The following ITGB8 variants were observed in gnomAD, a reference collection of about 807,000 sequenced individuals.
ITGB8 encodes the protein integrin beta-8.
ITGB8 carries 30 observed loss-of-function variants against 89.5 expected under a neutral mutation model. That is an observed-to-expected ratio of 0.34 (90% CI 0.25 to 0.45). The LOEUF (loss-of-function observed/expected upper bound fraction) is 0.45, where lower values mean the gene tolerates loss of function less well. Among genes scored for constraint, ITGB8 ranks in the 20% least tolerant of loss-of-function variants. The probability of loss-of-function intolerance (pLI) is 1.00; values close to 1 mark genes in which losing one functional copy is unlikely to be tolerated. For synonymous variants in ITGB8, 335 were observed against 320.4 expected (o/e 1.05, Z -0.49); for missense variants, 836 against 933.3 (o/e 0.90, Z 1.36).
intron 2 of ITGB8, chr7:20,366,045 A>T (rs971538302): frequency 1.6e-4 from 25 of 152,304 alleles, no homozygotes; most frequent in African/African-American, 5.5e-4. Context: ...GTAGCATGTT[A>T]ATCTGCCATT....
At position 20,411,809 on chromosome 7, in the gene ITGB8, A is replaced by G. The variant is rs1787771689; in HGVS notation, c.*1812A>G. The G allele has an allele frequency of 1.3e-5, 2 of 152,222 alleles. No homozygotes were observed. The highest frequency in any genetic ancestry group is 2.9e-5 in the Non-Finnish European group (2 of 68,038). 9.4% of individuals were successfully genotyped at this position (152,222 alleles called of 1,614,324 possible). A position where few individuals can be genotyped will look rare whatever the true frequency, so the allele number is the denominator to read the frequency against. ...ACCTACAGGGGAATTCCTTCGCACC[A>G]TAGCCTGTATGAACAGTGTTCCCTG... On this transcript the variant is annotated 3_prime_UTR_variant, in exon 14 of 14. Transcript: ENST00000222573.
At chr7:20,380,567 G>A in intron 4 of ITGB8, 99 bp from the exon 5 acceptor site, 8 of 941,252 alleles carry the variant, frequency 8.5e-6, no homozygotes, top group South Asian at 4.5e-5. Flanking sequence ...CACAAAAGAA[G>A]TACTCCCTTT....
chr7:20,405,982 C>A, intron 11 of ITGB8, 80 bp from the exon 12 acceptor site: 1 of 828,198 alleles, frequency 1.2e-6, no homozygotes, highest in South Asian at 1.5e-5. Flanking sequence ...GTTATTTTGT[C>A]TTTTTTTTTC....
At chr7:20,369,470 T>G (rs1785842126) in intron 3 of ITGB8, among the ~76,000 whole-genome samples, 1 of 151,816 alleles carries the variant, frequency 6.6e-6, no homozygotes, top group African/African-American at 2.4e-5. Context: ...AGTGAGAGAG[T>G]GAAAGCTCTC....
chr7:20,378,404 A>G (rs1239664733), intron 3 of ITGB8, among the ~76,000 whole-genome samples: 1 of 152,188 alleles, frequency 6.6e-6, no homozygotes, highest in Non-Finnish European at 1.5e-5. Context: ...GTGGCACTGC[A>G]GGGCACCATT....
chr7:20,349,410 T>C (rs186261225), intron 1 of ITGB8, among the ~76,000 whole-genome samples: 117 of 151,974 alleles, frequency 7.7e-4, no homozygotes, highest in African/African-American at 2.5e-3. Flanking sequence ...ACCAACCTAA[T>C]AGTACTAATT....
chr7:20,345,182 G>C (rs1325091831), intron 1 of ITGB8, among the ~76,000 whole-genome samples: 2 of 152,220 alleles, frequency 1.3e-5, no homozygotes, highest in Non-Finnish European at 2.9e-5. Context: ...TATATCATCT[G>C]CCTCAATGAT....
chr7:20,398,229 G>A (rs1483802321), intron 8 of ITGB8, among the ~76,000 whole-genome samples: 1 of 152,192 alleles, frequency 6.6e-6, no homozygotes, highest in Non-Finnish European at 1.5e-5. Flanking sequence ...ATTGCAGCAA[G>A]CTTGACTGAC....
intron 9 of ITGB8, among the ~76,000 whole-genome samples, chr7:20,399,538 A>G (rs1032889623): frequency 6.7e-6 from 1 of 148,672 alleles, no homozygotes; most frequent in African/African-American, 2.5e-5. Context: ...ATTAAGAACA[A>G]TACAAAATGG....
intron 7 of ITGB8, among the ~76,000 whole-genome samples, chr7:20,393,505 T>G (rs1355300710): frequency 2.0e-5 from 3 of 152,310 alleles, no homozygotes; most frequent in African/African-American, 4.8e-5. Flanking sequence ...AAATCACAAG[T>G]GTGACCACAG....
intron 6 of ITGB8, among the ~76,000 whole-genome samples, chr7:20,383,032 C>A (rs1416406820): frequency 5.9e-5 from 9 of 152,190 alleles, no homozygotes; most frequent in Non-Finnish European, 1.0e-4. Flanking sequence ...TCCTGCCACC[C>A]TTGGGAGTGT....
At position 20,401,789 on chromosome 7, in the gene ITGB8, C is replaced by G. The variant is rs746764508; in HGVS notation, c.1350C>G (p.Ile450Met). The change falls in exon 10 of 14, where the codon ATC becomes ATG. Residue 450 changes from isoleucine (I) to methionine (M), a missense_variant. By Grantham distance (10) the Ile-to-Met change is conservative. Transcript: ENST00000222573. ...DVTGGKNYAI[I>M]KPIGFNETAK... ...CAGGAGGAAAAAACTATGCAATAAT[C>G]AAACCTATTGGTTTTAATGAAACCG... 3 of 1,607,890 alleles carry G rather than the reference C, an allele frequency of 1.9e-6. No individual in the cohort carries two copies. The highest frequency in any genetic ancestry group is 2.7e-5 in the African/African-American group (2 of 74,652).
chr7:20,398,425 ATT>A (rs1787175949), intron 8 of ITGB8, among the ~76,000 whole-genome samples: 1 of 152,172 alleles, frequency 6.6e-6, no homozygotes, highest in Admixed American at 6.5e-5. Context: ...AAACAAAAAT[ATT>A]TCTTTAGCAG....
At chr7:20,342,896 T>A (rs964702343) in intron 1 of ITGB8, among the ~76,000 whole-genome samples, 1 of 152,198 alleles carries the variant, frequency 6.6e-6, no homozygotes, top group African/African-American at 2.4e-5. Flanking sequence ...AACTTAGCTG[T>A]CTCTGCATAA....
chr7:20,400,350 C>G (rs1437136419), intron 9 of ITGB8, among the ~76,000 whole-genome samples: 2 of 152,090 alleles, frequency 1.3e-5, no homozygotes, highest in African/African-American at 4.8e-5. Context: ...TTAGAGATGG[C>G]AGTGGCCACA....
intron 4 of ITGB8, chr7:20,379,684 T>C (rs1786296945): frequency 6.5e-6 from 1 of 152,832 alleles, no homozygotes; most frequent in South Asian, 2.1e-4. Context: ...ATTTGACACA[T>C]TTTAAAGAGT....
Position 20,331,505 on chromosome 7 carries a change from C to T in ITGB8, c.-302C>T, listed in dbSNP as rs989648322. The T allele has an allele frequency of 1.2e-5, 5 of 426,110 alleles. No individual in the cohort carries two copies. Among genetic ancestry groups the T allele is most frequent in the African/African-American group, 8.2e-5 (4 of 48,728 alleles). 26.4% of individuals were successfully genotyped at this position (426,110 alleles called of 1,614,324 possible). On this transcript the variant is annotated 5_prime_UTR_variant, in exon 1 of 14. Coordinates refer to ENST00000222573, the MANE Select transcript of ITGB8 (RefSeq NM_002214.3). ...CTTTGTCCCGGAGCAGGCTGCGGAG[C>T]CCTTGCAGAGCCCTCTCTCCAGTCG...
chr7:20,350,264 C>T (rs1328174477), intron 1 of ITGB8, among the ~76,000 whole-genome samples: 1 of 152,184 alleles, frequency 6.6e-6, no homozygotes, highest in Non-Finnish European at 1.5e-5. Flanking sequence ...TCTCCTGCCT[C>T]AGCCTCCTGA....
chr7:20,350,025 A>G (rs1322166014), intron 1 of ITGB8, among the ~76,000 whole-genome samples: 1 of 152,224 alleles, frequency 6.6e-6, no homozygotes, highest in African/African-American at 2.4e-5. Flanking sequence ...TGACAGTGCC[A>G]AAACACAAAA....
Sources: allele counts gnomAD v4.1 joint callset (sites outside exome capture counted in the v4.1 genomes callset), GRCh38; gene constraint gnomAD v4.1.1; transcripts MANE v1.5; gene names NCBI Gene and HGNC (gene_info 2026-07-23, HGNC 2026-07-21).